SMYD3: variants seen among roughly 807,000 people sequenced by gnomAD.
SMYD3 encodes histone-lysine N-methyltransferase SMYD3.
A neutral mutation model predicts 57.7 loss-of-function variants in SMYD3; 36 were observed. The ratio of observed to expected loss-of-function variants is 0.62; its 90% confidence interval spans 0.48 to 0.82. The LOEUF is 0.82. SMYD3 is among the 40% of genes least tolerant of loss of function. The pLI, the probability that SMYD3 is intolerant of heterozygous loss-of-function variation, is 0.00. For missense variants in SMYD3, 515 were observed against 538.8 expected (o/e 0.96, Z 0.44); for synonymous variants, 211 against 195.0 (o/e 1.08, Z -0.68).
chr1:246,416,610 A>G (rs1038843494), intron 1 of SMYD3, among the ~76,000 whole-genome samples: 5 of 152,100 alleles, frequency 3.3e-5, no homozygotes, highest in African/African-American at 1.2e-4. Context: ...GTAAAGGGGG[A>G]AAATAAAGAA....
At chr1:246,201,964 G>A (rs918517415) in intron 5 of SMYD3, among the ~76,000 whole-genome samples, 1 of 150,056 alleles carries the variant, frequency 6.7e-6, no homozygotes, top group Non-Finnish European at 1.5e-5. Flanking sequence ...AGTGAGCTGA[G>A]ATCATGCCAT....
chr1:245,865,071 T>G (rs1010656689), intron 8 of SMYD3, among the ~76,000 whole-genome samples: 2 of 152,258 alleles, frequency 1.3e-5, no homozygotes, highest in Non-Finnish European at 2.9e-5. Flanking sequence ...AGTTGCTTAC[T>G]CAGCACTTGT....
At chr1:246,022,771 A>G (rs1393212754) in intron 5 of SMYD3, among the ~76,000 whole-genome samples, 1 of 152,220 alleles carries the variant, frequency 6.6e-6, no homozygotes, top group African/African-American at 2.4e-5. Context: ...CCAAATTGTT[A>G]CAATAAATCC....
chr1:246,165,780 T>C (rs886841486), intron 5 of SMYD3, among the ~76,000 whole-genome samples: 1 of 152,194 alleles, frequency 6.6e-6, no homozygotes, highest in Non-Finnish European at 1.5e-5. Flanking sequence ...ATATCTGTTA[T>C]ATAGATATAT....
intron 5 of SMYD3, among the ~76,000 whole-genome samples, chr1:246,295,351 A>G (rs2064772862): frequency 1.3e-5 from 2 of 152,228 alleles, no homozygotes; most frequent in Non-Finnish European, 2.9e-5. Context: ...CTAAGATAGT[A>G]GCCGAGGAGT....
intron 1 of SMYD3, among the ~76,000 whole-genome samples, chr1:246,366,930 C>CA (rs1269333583): frequency 0.081 from 4,650 of 57,616 alleles, 168 homozygotes; most frequent in Non-Finnish European, 0.097. Context: ...GACTCCATCT[C>CA]AAAAAAAAAA....
chr1:246,056,276 T>G (rs34885438), intron 5 of SMYD3, among the ~76,000 whole-genome samples: 6 of 152,116 alleles, frequency 3.9e-5, no homozygotes, highest in Admixed American at 3.9e-4. Flanking sequence ...CCTCATTTCA[T>G]CCTGCAATGC....
chr1:246,345,454 A>C (rs1480465635), intron 2 of SMYD3, among the ~76,000 whole-genome samples: 1 of 152,192 alleles, frequency 6.6e-6, no homozygotes, highest in African/African-American at 2.4e-5. Flanking sequence ...GAAGTGCTTC[A>C]GGTTTTGGAT....
At chr1:245,854,816 G>A (rs777707636) in intron 10 of SMYD3, among the ~76,000 whole-genome samples, 7 of 152,186 alleles carry the variant, frequency 4.6e-5, no homozygotes, top group Non-Finnish European at 5.9e-5. Context: ...AGAGAGTTGA[G>A]AGTAACTGGG....
chr1:246,213,880 C>G (rs2063125408), intron 5 of SMYD3, among the ~76,000 whole-genome samples: 2 of 152,158 alleles, frequency 1.3e-5, no homozygotes, highest in Non-Finnish European at 2.9e-5. Flanking sequence ...CAAGAAGAAC[C>G]TTTCTGAAGC....
intron 1 of SMYD3, among the ~76,000 whole-genome samples, chr1:246,490,717 A>G (rs1397492731): frequency 2.0e-5 from 3 of 152,116 alleles, no homozygotes; most frequent in Admixed American, 6.5e-5. Context: ...CAATTAAAAA[A>G]TTAGCCAGGT....
intron 8 of SMYD3, among the ~76,000 whole-genome samples, chr1:245,878,478 G>A (rs1482799892): frequency 2.0e-5 from 3 of 152,232 alleles, no homozygotes; most frequent in Admixed American, 2.0e-4. Context: ...CTAACAGGAA[G>A]AGACAGAATG....
chr1:246,438,403 G>A (rs984675692), intron 1 of SMYD3, among the ~76,000 whole-genome samples: 1 of 152,146 alleles, frequency 6.6e-6, no homozygotes, highest in African/African-American at 2.4e-5. Flanking sequence ...AGGCTTAGGG[G>A]TGAATGATAA....
intron 1 of SMYD3, among the ~76,000 whole-genome samples, chr1:246,499,211 G>T (rs2068418078): frequency 1.3e-5 from 2 of 151,772 alleles, no homozygotes; most frequent in South Asian, 4.2e-4. Flanking sequence ...GACTGAGGCA[G>T]GACAATCGCT....
At chr1:245,940,329 T>C (rs1009468723) in intron 5 of SMYD3, among the ~76,000 whole-genome samples, 1 of 152,158 alleles carries the variant, frequency 6.6e-6, no homozygotes, top group Non-Finnish European at 1.5e-5. Context: ...GCCTCCTGAC[T>C]GGGTGAGACC....
At chr1:246,048,575 T>C (rs1489590124) in intron 5 of SMYD3, among the ~76,000 whole-genome samples, 4 of 152,136 alleles carry the variant, frequency 2.6e-5, no homozygotes, top group African/African-American at 9.7e-5. Context: ...TGCAGTGAGA[T>C]GTAATATAGT....
chr1:245,986,799 T>C (rs2058714856), intron 5 of SMYD3, among the ~76,000 whole-genome samples: 1 of 152,260 alleles, frequency 6.6e-6, no homozygotes, highest in African/African-American at 2.4e-5. Flanking sequence ...ACAGGCTGTG[T>C]ACAACCTTCA....
At chr1:245,812,779 G>T (rs6658783) in intron 10 of SMYD3, among the ~76,000 whole-genome samples, 8,177 of 151,272 alleles carry the variant, frequency 0.054, 764 homozygotes, top group African/African-American at 0.19. Flanking sequence ...GAAGAAAGGG[G>T]TCACTCACTC....
chr1:246,073,835 G>A (rs1356875669), intron 5 of SMYD3, among the ~76,000 whole-genome samples: 1 of 152,046 alleles, frequency 6.6e-6, no homozygotes, highest in African/African-American at 2.4e-5. Context: ...CCTCCATAGA[G>A]GTACTGGAAA....
Sources: allele counts gnomAD v4.1 joint callset (sites outside exome capture counted in the v4.1 genomes callset), GRCh38; gene constraint gnomAD v4.1.1; transcripts MANE v1.5; gene names NCBI Gene and HGNC (gene_info 2026-07-23, HGNC 2026-07-21).